Variants in SCAI observed in about 807,000 individuals in gnomAD.
SCAI encodes protein SCAI.
SCAI carries 24 observed loss-of-function variants against 92.2 expected under a neutral mutation model. The observed-to-expected ratio is 0.26, with a 90% CI of 0.19 to 0.37. The LOEUF (loss-of-function observed/expected upper bound fraction) is 0.37. Ranked by LOEUF, SCAI falls within the 10% of genes least tolerant of loss-of-function variation. The probability of loss-of-function intolerance (pLI) is 1.00; values close to 1 mark genes in which losing one functional copy is unlikely to be tolerated. For synonymous variants in SCAI, 261 were observed against 258.6 expected, an observed-to-expected ratio of 1.01 and a Z score of -0.09; for missense variants, 450 against 736.2, an observed-to-expected ratio of 0.61 and a Z score of 4.50.
chr9:124,964,013 T>C (rs996243271), intron 17 of SCAI, among the ~76,000 whole-genome samples: 2 of 152,150 alleles, frequency 1.3e-5, no homozygotes, highest in South Asian at 4.1e-4. Flanking sequence ...ATGTCATAAT[T>C]TGTGTCTGAC....
intron 17 of SCAI, among the ~76,000 whole-genome samples, chr9:124,962,459 T>C (rs532494886): frequency 5.9e-5 from 9 of 151,886 alleles, no homozygotes; most frequent in South Asian, 2.1e-4. Context: ...CTGTGCCCGG[T>C]CTGTAAGTAT....
intron 2 of SCAI, among the ~76,000 whole-genome samples, chr9:125,094,126 T>C (rs1015123726): frequency 1.3e-5 from 2 of 152,248 alleles, no homozygotes; most frequent in Non-Finnish European, 2.9e-5. Context: ...TTTTAAAATA[T>C]GTCAAATTCT....
chr9:125,091,242 T>C lies in SCAI; in HGVS notation c.99-35235A>G, dbSNP rs1834423476. On this transcript the variant is annotated intron_variant, in intron 2 of 17. Transcript: ENST00000336505. This position sits in a 1 kb window ranked among gnomAD's most constrained non-coding sequence, Gnocchi z 4.3. Reference sequence around the variant, plus strand: ...ATGACTTCAGCCATGATTACAGATATTTGGATTCCCTTGGTTCTTGCCTAT... The same window carrying C: ...ATGACTTCAGCCATGATTACAGATACTTGGATTCCCTTGGTTCTTGCCTAT... 6.6e-6 allele frequency among the ~76,000 whole-genome samples: 1 copy of C among 152,224 alleles called. No individual in the cohort carries two copies. The highest frequency in any genetic ancestry group is 6.5e-5 in the Admixed American group (1 of 15,278).
At chr9:125,063,469 G>T (rs1359471922) in intron 2 of SCAI, among the ~76,000 whole-genome samples, 3 of 151,418 alleles carry the variant, frequency 2.0e-5, no homozygotes, top group Non-Finnish European at 4.4e-5. Context: ...AACACAATAT[G>T]TCAGTAGCTA....
At chr9:125,092,031 G>C (rs1834438078) in intron 2 of SCAI, among the ~76,000 whole-genome samples, 2 of 150,712 alleles carry the variant, frequency 1.3e-5, no homozygotes, top group Non-Finnish European at 3.0e-5. Flanking sequence ...TTGGGAGGCT[G>C]AGGCAGGAGA....
intron 17 of SCAI, among the ~76,000 whole-genome samples, chr9:124,970,303 C>T (rs1831633079): frequency 6.6e-6 from 1 of 152,148 alleles, no homozygotes; most frequent in Middle Eastern, 3.4e-3. Flanking sequence ...CAACATGGCT[C>T]AATCTCAGGA....
intron 3 of SCAI, among the ~76,000 whole-genome samples, chr9:125,033,905 T>C (rs1274306372): frequency 2.0e-5 from 3 of 152,176 alleles, no homozygotes; most frequent in Non-Finnish European, 4.4e-5. Context: ...TGAAAGAACA[T>C]TTGATGAAGA....
chr9:124,969,709 A>G (rs988296227), intron 17 of SCAI, among the ~76,000 whole-genome samples: 2 of 152,270 alleles, frequency 1.3e-5, no homozygotes, highest in African/African-American at 2.4e-5. Flanking sequence ...AACTGATACA[A>G]CCGCTTTGGA....
At chr9:125,025,328 C>T (rs1190969299) in intron 6 of SCAI, among the ~76,000 whole-genome samples, 1 of 152,130 alleles carries the variant, frequency 6.6e-6, no homozygotes, top group Non-Finnish European at 1.5e-5. Context: ...CAAAGGAAAA[C>T]AATTCAAATT....
chr9:125,005,273 A>C (rs776849977), intron 9 of SCAI, among the ~76,000 whole-genome samples: 1 of 152,222 alleles, frequency 6.6e-6, no homozygotes, highest in Non-Finnish European at 1.5e-5. Flanking sequence ...TTATTTAGTT[A>C]AGATGAGAAT....
At chr9:124,971,042 T>C (rs1481805870) in intron 17 of SCAI, among the ~76,000 whole-genome samples, 3 of 152,084 alleles carry the variant, frequency 2.0e-5, no homozygotes, top group Non-Finnish European at 2.9e-5. Flanking sequence ...CTCCAACTCA[T>C]GACCTCAAGT....
At chr9:125,059,436 T>C (rs1268424224) in intron 2 of SCAI, among the ~76,000 whole-genome samples, 2 of 152,170 alleles carry the variant, frequency 1.3e-5, no homozygotes, top group Admixed American at 1.3e-4. Flanking sequence ...CAGGAGTAAA[T>C]TTCAATGTTA....
At chr9:125,138,205 T>C (rs1333339573) in intron 2 of SCAI, among the ~76,000 whole-genome samples, 1 of 152,022 alleles carries the variant, frequency 6.6e-6, no homozygotes, top group Admixed American at 6.6e-5. Flanking sequence ...TGCCAGGCAC[T>C]ATCCTAGGCA....
intron 3 of SCAI, among the ~76,000 whole-genome samples, chr9:125,053,696 AT>A (rs1328464269): frequency 6.6e-6 from 1 of 152,162 alleles, no homozygotes; most frequent in East Asian, 1.9e-4. Context: ...TAGGAACCGG[AT>A]TTCTTTTGGG....
chr9:125,131,285 G>A (rs1835395220), intron 2 of SCAI, among the ~76,000 whole-genome samples: 1 of 151,626 alleles, frequency 6.6e-6, no homozygotes, highest in African/African-American at 2.4e-5. Flanking sequence ...GGAGATACCA[G>A]TAATCCCAGC....
intron 2 of SCAI, among the ~76,000 whole-genome samples, chr9:125,097,645 TAAA>T (rs1834586407): frequency 6.6e-6 from 1 of 151,690 alleles, no homozygotes; most frequent in Non-Finnish European, 1.5e-5. Context: ...TTTTGTGATT[TAAA>T]AAGGCAGGAA....
chr9:125,142,745 T>C (rs370104151), intron 1 of SCAI, 68 bp from the exon 2 acceptor site: 1 of 1,429,774 alleles, frequency 7.0e-7, no homozygotes, highest in Non-Finnish European at 9.9e-7. Context: ...GGCGCTACCG[T>C]GCCAGTCAAG....
chr9:125,027,761 G>C (rs1832991946), intron 5 of SCAI, among the ~76,000 whole-genome samples: 1 of 152,144 alleles, frequency 6.6e-6, no homozygotes, highest in Admixed American at 6.6e-5. Context: ...TGATCCACCT[G>C]CCTTGGCCTC....
rs1238839640 is a variant in SCAI, at chr9:124,952,794, C to T, written c.*13G>A. 2.5e-6 allele frequency: 4 copies of T among 1,599,130 alleles called. No individual in the cohort carries two copies. The Admixed American group carries it at 5.3e-5, about 21-fold the overall frequency. ...GGAAAATGAAAACTTGTTTCGACAACAGGGTTTTTGTTTTAATAGTCATCA... is the reference window on the plus strand; with the variant it reads ...GGAAAATGAAAACTTGTTTCGACAATAGGGTTTTTGTTTTAATAGTCATCA... On this transcript the variant is annotated 3_prime_UTR_variant, in exon 18 of 18. Transcript: ENST00000336505.
Sources: gnomAD v4.1 joint callset for allele counts (sites outside exome capture counted in the v4.1 genomes callset) on GRCh38, gnomAD v4.1.1 for gene constraint, Gnocchi (gnomAD v3.1) non-coding constraint, MANE v1.5 for transcripts, NCBI Gene and HGNC (gene_info 2026-07-23, HGNC 2026-07-21) for gene names.